Variants in ZNF462 observed in about 807,000 individuals in gnomAD.
The protein encoded by ZNF462 is zinc finger PBX1-interacting protein.
ZNF462 carries 10 observed loss-of-function variants against 201.9 expected under a neutral mutation model. The observed-to-expected ratio is 0.05, with a 90% CI of 0.03 to 0.08. ZNF462 has a LOEUF of 0.08. ZNF462 is among the 10% of genes least tolerant of loss of function. The probability of loss-of-function intolerance (pLI) is 1.00; values close to 1 mark genes in which losing one functional copy is unlikely to be tolerated. For missense variants in ZNF462, 2,523 were observed against 3,168.3 expected, an observed-to-expected ratio of 0.80 and a Z score of 4.89; for synonymous variants, 1,227 against 1,193.3, an observed-to-expected ratio of 1.03 and a Z score of -0.58.
chr9:106,935,735 G>A lies in ZNF462; in HGVS notation c.6235+114G>A. 1.3e-6 allele frequency: 1 copy of A among 756,028 alleles called. No individual in the cohort carries two copies. Among genetic ancestry groups the A allele is most frequent in the Admixed American group, 2.6e-5 (1 of 38,156 alleles). 46.8% of individuals were successfully genotyped at this position (756,028 alleles called of 1,614,324 possible). A position where few individuals can be genotyped will look rare whatever the true frequency, so the allele number is the denominator to read the frequency against. On this transcript the variant is annotated intron_variant, in intron 6 of 12. Coordinates refer to ENST00000277225, the MANE Select transcript of ZNF462 (RefSeq NM_021224.6). This position sits in a 1 kb window ranked among gnomAD's most constrained non-coding sequence, Gnocchi z 4.1. ...CTTACACTTGAGAATGTTATTCTTG[G>A]GATGGATGTATATTCAGTTTTATTT... is the stretch of plus-strand genomic sequence containing the variant.
At position 106,924,155 on chromosome 9, in the gene ZNF462, G is replaced by A. The variant is rs1830094060; in HGVS notation, c.243G>A (p.Gly81=). The A allele has an allele frequency of 6.2e-7, 1 of 1,606,938 alleles. No individual in the cohort carries two copies. The highest frequency in any genetic ancestry group is 1.7e-5 in the Admixed American group (1 of 58,376). The change falls in exon 3 of 13, where the codon GGG becomes GGA. Residue 81 remains glycine (G), a synonymous_variant. Transcript: ENST00000277225. The surrounding 1 kb of genome is among the most constrained non-coding windows in gnomAD (Gnocchi z 6.2). ...TAGGTCAAAATGCAACTTCATTGGGGACCGGAGGTTACTATGGCCACAGTC... is the reference window on the plus strand; with the variant it reads ...TAGGTCAAAATGCAACTTCATTGGGAACCGGAGGTTACTATGGCCACAGTC... ...DLSGQNATSL[G]TGGYYGHSPG...
At position 106,927,356 on chromosome 9, in the gene ZNF462, A is replaced by G; in HGVS notation, c.3444A>G (p.Arg1148=). 2 of 1,614,084 alleles carry G rather than the reference A, an allele frequency of 1.2e-6. No homozygotes were observed. Among genetic ancestry groups the G allele is most frequent in the South Asian group, 1.1e-5 (1 of 91,068 alleles). ...PEIKVTAKYI[R]QAPPTAAMMR... is the part of the protein sequence containing the mutation. The stretch of plus-strand genomic sequence containing the variant: ...TAAAGGTTACTGCCAAATATATCAG[A>G]CAGGCTCCTCCCACAGCTGCAATGA... Residue 1148 remains arginine, a synonymous_variant, in exon 3 of 13, where the codon AGA becomes AGG. Coordinates refer to ENST00000277225, the MANE Select transcript of ZNF462 (RefSeq NM_021224.6).
chr9:106,976,102 G>A (rs903294613), intron 9 of ZNF462: 8 of 152,158 alleles, frequency 5.3e-5, no homozygotes, highest in South Asian at 2.1e-4. Context: ...CGTGTGTGCC[G>A]AACTATAGGT....
At position 106,870,071 on chromosome 9, in the gene ZNF462, C is replaced by T. The variant is rs889065654; in HGVS notation, c.-31+6716C>T. ...CCTCCTATTCTCATCAGCTGAAGCA[C>T]GTACAGGATTTTTAAAGTGTTTGGA... On this transcript the variant is annotated intron_variant, in intron 1 of 12. Transcript: ENST00000277225. This position sits in a 1 kb window ranked among gnomAD's most constrained non-coding sequence, Gnocchi z 4.3. Among the ~76,000 whole-genome samples, 1 of 152,086 alleles carries T rather than the reference C, an allele frequency of 6.6e-6. No homozygotes were observed. The highest frequency in any genetic ancestry group is 2.4e-5 in the African/African-American group (1 of 41,394).
At chr9:106,877,872 G>A (rs553303064) in intron 1 of ZNF462, among the ~76,000 whole-genome samples, 2 of 152,260 alleles carry the variant, frequency 1.3e-5, no homozygotes, top group Non-Finnish European at 2.9e-5. Flanking sequence ...ATGTAGCTGT[G>A]GCTGTGGCAG....
Position 106,977,807 on chromosome 9 carries a change from A to T in ZNF462, c.6832+3534A>T, listed in dbSNP as rs1424205992. On this transcript the variant is annotated intron_variant, in intron 9 of 12. Coordinates refer to ENST00000277225, the MANE Select transcript of ZNF462 (RefSeq NM_021224.6). This position sits in a 1 kb window ranked among gnomAD's most constrained non-coding sequence, Gnocchi z 4.6. ...GAGAAGACTTAAGGCAGGGCATATT[A>T]GTTTGCAAGGACTATTGTAACAAGT... 1.3e-5 allele frequency among the ~76,000 whole-genome samples: 2 copies of T among 151,582 alleles called. No homozygotes were observed. Among genetic ancestry groups the T allele is most frequent in the African/African-American group, 4.9e-5 (2 of 40,832 alleles).
intron 1 of ZNF462, among the ~76,000 whole-genome samples, chr9:106,914,431 C>T (rs1829684051): frequency 6.6e-6 from 1 of 152,188 alleles, no homozygotes; most frequent in Admixed American, 6.5e-5. Flanking sequence ...GCAGATACTG[C>T]CAAACAGCCC....
chr9:106,862,392 A>C (rs902736202), upstream of ZNF462, among the ~76,000 whole-genome samples: 1 of 151,720 alleles, frequency 6.6e-6, no homozygotes, highest in Non-Finnish European at 1.5e-5. This position sits in a 1 kb window ranked among gnomAD's most constrained non-coding sequence, Gnocchi z 4.2. Flanking sequence ...CAGGGTCCTC[A>C]CCGGGGGCTT....
rs972260759 is a variant in ZNF462, at chr9:107,003,071, T to C, written c.7057-223T>C. On this transcript the variant is annotated intron_variant, in intron 10 of 12. Transcript: ENST00000277225. The surrounding 1 kb of genome is among the most constrained non-coding windows in gnomAD (Gnocchi z 4.4). ...CACAAGTTTGGTAATGAAGGTCCGG[T>C]GTACAAAAGTTCCGGTGAAAATGAT... is the stretch of plus-strand genomic sequence containing the variant. 3.3e-5 allele frequency among the ~76,000 whole-genome samples: 5 copies of C among 152,308 alleles called. No homozygotes were observed. The highest frequency in any genetic ancestry group is 7.4e-5 in the Non-Finnish European group (5 of 68,020).
At chr9:106,956,891 G>C (rs554136669) in intron 7 of ZNF462, among the ~76,000 whole-genome samples, 2 of 152,250 alleles carry the variant, frequency 1.3e-5, no homozygotes, top group African/African-American at 4.8e-5. Flanking sequence ...CTTTGGATTA[G>C]GCTTTGGCTT....
chr9:106,992,543 C>T (rs554325503), intron 10 of ZNF462, among the ~76,000 whole-genome samples: 10 of 152,026 alleles, frequency 6.6e-5, no homozygotes, highest in African/African-American at 2.2e-4. Context: ...TACTATTCAG[C>T]GATGAAAAAG....
intron 1 of ZNF462, among the ~76,000 whole-genome samples, chr9:106,894,524 A>G (rs1490465097): frequency 6.6e-6 from 1 of 152,234 alleles, no homozygotes; most frequent in Non-Finnish European, 1.5e-5. Flanking sequence ...AACAGATGTG[A>G]TTAGATTAGC....
At chr9:106,999,987 A>C (rs1217398735) in intron 10 of ZNF462, among the ~76,000 whole-genome samples, 2 of 152,048 alleles carry the variant, frequency 1.3e-5, no homozygotes, top group Non-Finnish European at 2.9e-5. Context: ...TGAGCTCTTG[A>C]AGGCGGGGTG....
chr9:106,919,353 C>T lies in ZNF462; in HGVS notation c.-30-4001C>T, dbSNP rs1246924935. On this transcript the variant is annotated intron_variant, in intron 1 of 12. Transcript: ENST00000277225. The surrounding 1 kb of genome is among the most constrained non-coding windows in gnomAD (Gnocchi z 4.5). ...TGGACGATGAAGCTGTGGTTTGTCT[C>T]CTTCCTCCTTCACAGGAGGGAAAAC... Among the ~76,000 whole-genome samples the T allele has an allele frequency of 6.6e-6, 1 of 152,136 alleles. No individual in the cohort carries two copies. Among genetic ancestry groups the T allele is most frequent in the Admixed American group, 6.5e-5 (1 of 15,282 alleles).
At chr9:106,944,961 G>A (rs1056930356) in intron 7 of ZNF462, among the ~76,000 whole-genome samples, 4 of 152,056 alleles carry the variant, frequency 2.6e-5, no homozygotes, top group South Asian at 2.1e-4. Context: ...GTAAACAAAC[G>A]ACATGGCTGT....
At chr9:107,000,990 G>C (rs561693596) in intron 10 of ZNF462, among the ~76,000 whole-genome samples, 1 of 152,256 alleles carries the variant, frequency 6.6e-6, no homozygotes, top group African/African-American at 2.4e-5. Context: ...GATTAAAGCA[G>C]ATGTTTGAGG....
rs1220920244 is a variant in ZNF462, at chr9:107,008,137, C to A, written c.7190-1408C>A. On this transcript the variant is annotated intron_variant, in intron 11 of 12. Transcript: ENST00000277225. The surrounding 1 kb of genome is among the most constrained non-coding windows in gnomAD (Gnocchi z 4.8). Reference sequence around the variant, plus strand: ...AACCCAAGCAGAATCCTCCCCACCCCCCTCTCATTATGCAGTTGGGGAGGA... The same window carrying A: ...AACCCAAGCAGAATCCTCCCCACCCACCTCTCATTATGCAGTTGGGGAGGA... 1.3e-5 allele frequency among the ~76,000 whole-genome samples: 2 copies of A among 152,070 alleles called. No individual in the cohort carries two copies. Among genetic ancestry groups the A allele is most frequent in the Non-Finnish European group, 2.9e-5 (2 of 68,024 alleles).
At position 106,977,226 on chromosome 9, in the gene ZNF462, G is replaced by A. The variant is rs1350977396; in HGVS notation, c.6832+2953G>A. Among the ~76,000 whole-genome samples the A allele has an allele frequency of 6.8e-6, 1 of 147,246 alleles. No individual in the cohort carries two copies. Among genetic ancestry groups the A allele is most frequent in the Non-Finnish European group, 1.5e-5 (1 of 68,012 alleles). On this transcript the variant is annotated intron_variant, in intron 9 of 12. Transcript: ENST00000277225. The surrounding 1 kb of genome is among the most constrained non-coding windows in gnomAD (Gnocchi z 4.6). ...CTGCATGTCTGCCTTGCAATTTTGA[G>A]TTGGGGCTGATCTCAAAGTAACAAG...
chr9:106,964,511 C>T (rs1831984363), intron 7 of ZNF462, among the ~76,000 whole-genome samples: 1 of 152,016 alleles, frequency 6.6e-6, no homozygotes. Context: ...CTTGTGTAAA[C>T]CACACTCACC....
Sources: gnomAD v4.1 joint callset for allele counts (sites outside exome capture counted in the v4.1 genomes callset) on GRCh38, gnomAD v4.1.1 for gene constraint, Gnocchi (gnomAD v3.1) non-coding constraint, MANE v1.5 for transcripts, NCBI Gene and HGNC (gene_info 2026-07-23, HGNC 2026-07-21) for gene names.